Variants in RHOQ observed in about 807,000 individuals in gnomAD.
The protein encoded by RHOQ is ras homolog family member Q.
Under a neutral mutation model 25.8 loss-of-function variants are expected in RHOQ, and 7 were observed. The ratio of observed to expected loss-of-function variants is 0.27; its 90% confidence interval spans 0.15 to 0.51. The LOEUF (loss-of-function observed/expected upper bound fraction) is 0.51, where lower values mean the gene tolerates loss of function less well. Ranked by LOEUF, RHOQ falls within the 20% of genes least tolerant of loss-of-function variation. The pLI is 0.97. For synonymous variants in RHOQ, 97 were observed against 98.6 expected, an observed-to-expected ratio of 0.98 and a Z score of 0.10; for missense variants, 165 against 260.6, an observed-to-expected ratio of 0.63 and a Z score of 2.53.
At chr2:46,580,867 A>G in intron 4 of RHOQ, 61 bp from the exon 5 acceptor site, 2 of 1,207,392 alleles carry the variant, frequency 1.7e-6, no homozygotes, top group South Asian at 2.2e-5. Flanking sequence ...TGATGTGTTT[A>G]TGTCATGCCA....
At chr2:46,563,959 AT>A (rs200656175) in intron 2 of RHOQ, among the ~76,000 whole-genome samples, 2 of 151,392 alleles carry the variant, frequency 1.3e-5, no homozygotes, top group East Asian at 2.0e-4. Flanking sequence ...CCCTGTGTGT[AT>A]TTTTTTTAAA....
chr2:46,565,459 A>G (rs1467239764), intron 2 of RHOQ, among the ~76,000 whole-genome samples: 1 of 152,196 alleles, frequency 6.6e-6, no homozygotes. Flanking sequence ...TTAAAGCATC[A>G]CTCAGTCTGA....
intron 2 of RHOQ, among the ~76,000 whole-genome samples, chr2:46,544,603 C>G (rs1667988613): frequency 6.6e-6 from 1 of 152,234 alleles, no homozygotes; most frequent in African/African-American, 2.4e-5. Context: ...AAGGTCTTCT[C>G]TCTGTCTCCC....
Position 46,546,399 on chromosome 2 carries a change from TA to T in RHOQ, c.201+2593del, listed in dbSNP as rs1396909112. ...AATAAACATGTAAATAAAAAGTAAA[TA>T]AAAAACATTAAGGGTTTATATATAT... On this transcript the variant is annotated intron_variant, in intron 2 of 4. Coordinates refer to ENST00000238738, the MANE Select transcript of RHOQ (RefSeq NM_012249.4). 2.9e-5 allele frequency among the ~76,000 whole-genome samples: 4 copies of T among 137,364 alleles called. No homozygotes were observed. In the Admixed American group the frequency reaches 3.0e-4, roughly 10 times the overall value. 90.1% of individuals were successfully genotyped at this position (137,364 alleles called of 152,430 possible). A position where few individuals can be genotyped will look rare whatever the true frequency, so the allele number is the denominator to read the frequency against.
Position 46,583,674 on chromosome 2 carries a change from T to C in RHOQ, c.*2591T>C, listed in dbSNP as rs1669477736. On this transcript the variant is annotated 3_prime_UTR_variant, in exon 5 of 5. Transcript: ENST00000238738. ...AGCAGACTAGAGAAAAACTGCCTTA[T>C]TTTCAGAAGCATGTCTTCATTCAAA... Among the ~76,000 whole-genome samples, 1 of 152,198 alleles carries C rather than the reference T, an allele frequency of 6.6e-6. No homozygotes were observed.
At chr2:46,547,332 C>T (rs955705744) in intron 2 of RHOQ, among the ~76,000 whole-genome samples, 3 of 152,190 alleles carry the variant, frequency 2.0e-5, no homozygotes, top group South Asian at 2.1e-4. Flanking sequence ...ATCATTTGTC[C>T]GACTGACATA....
Position 46,581,882 on chromosome 2 carries a change from C to A in RHOQ, c.*799C>A. Reference sequence around the variant, plus strand: ...AATTAAAATTTTGGGTCAGACTTTGCCATAATGATAGACTCAATTTAGCTC... The same window carrying A: ...AATTAAAATTTTGGGTCAGACTTTGACATAATGATAGACTCAATTTAGCTC... On this transcript the variant is annotated 3_prime_UTR_variant, in exon 5 of 5. Transcript: ENST00000238738. 3.8e-6 allele frequency: 1 copy of A among 263,754 alleles called. No individual in the cohort carries two copies. Among genetic ancestry groups the A allele is most frequent in the Non-Finnish European group, 7.3e-6 (1 of 137,748 alleles). 16.3% of individuals were successfully genotyped at this position (263,754 alleles called of 1,614,324 possible).
intron 2 of RHOQ, among the ~76,000 whole-genome samples, chr2:46,550,461 C>G (rs2103986787): frequency 2.0e-5 from 3 of 152,300 alleles, no homozygotes; most frequent in Admixed American, 2.0e-4. Context: ...GCCCAGGGGC[C>G]TTAGTGATCA....
intron 4 of RHOQ, among the ~76,000 whole-genome samples, chr2:46,579,138 A>C (rs557745486): frequency 1.6e-4 from 25 of 152,342 alleles, no homozygotes; most frequent in African/African-American, 5.1e-4. Context: ...GTTGCAAAAC[A>C]GTATGATCTC....
chr2:46,570,952 G>A (rs903640847), intron 2 of RHOQ, among the ~76,000 whole-genome samples: 1 of 152,182 alleles, frequency 6.6e-6, no homozygotes, highest in African/African-American at 2.4e-5. Context: ...ATTTGGGATT[G>A]TAATACATTC....
rs1031197253 is a variant in RHOQ, at chr2:46,572,124, T to G, written c.202-3963T>G. On this transcript the variant is annotated intron_variant, in intron 2 of 4. Transcript: ENST00000238738. ...AAGTGTGTGTTTTTTTTTTTTTTTTTTTTTTTTTTTGAGACAGGGTCTCAC... is the reference window on the plus strand; with the variant it reads ...AAGTGTGTGTTTTTTTTTTTTTTTTGTTTTTTTTTTGAGACAGGGTCTCAC... 1.0e-4 allele frequency among the ~76,000 whole-genome samples: 14 copies of G among 140,482 alleles called. 1 individual carries two copies. The highest frequency in any genetic ancestry group is 3.6e-4 in the African/African-American group (13 of 36,160). 92.2% of individuals were successfully genotyped at this position (140,482 alleles called of 152,430 possible).
At position 46,572,397 on chromosome 2, in the gene RHOQ, C is replaced by G. The variant is rs183481241; in HGVS notation, c.202-3690C>G. Among the ~76,000 whole-genome samples the G allele has an allele frequency of 1.6e-4, 24 of 152,200 alleles. No individual in the cohort carries two copies. The East Asian group carries it at 4.4e-3, about 28-fold the overall frequency. ...GGATTACAGGTGTGAGCCACCGCAC[C>G]TGGCCATGTGTGATATTTTTAAAGT... On this transcript the variant is annotated intron_variant, in intron 2 of 4. Coordinates refer to ENST00000238738, the MANE Select transcript of RHOQ (RefSeq NM_012249.4).
chr2:46,575,971 C>T, intron 2 of RHOQ, 116 bp from the exon 3 acceptor site: 1 of 738,050 alleles, frequency 1.4e-6, no homozygotes, highest in East Asian at 3.0e-5. Context: ...GAGTGCCATA[C>T]ATTCCACTAG....
chr2:46,559,277 T>C (rs1160017706), intron 2 of RHOQ, among the ~76,000 whole-genome samples: 2 of 152,234 alleles, frequency 1.3e-5, no homozygotes, highest in Admixed American at 1.3e-4. Context: ...ATTATAGGCA[T>C]GAGCCACTGT....
At position 46,580,843 on chromosome 2, in the gene RHOQ, A is replaced by T. The variant is rs576553462; in HGVS notation, c.463-85A>T. The T allele has an allele frequency of 3.1e-6, 3 of 977,530 alleles. No homozygotes were observed. The East Asian group carries it at 8.7e-5, about 28-fold the overall frequency. 60.6% of individuals were successfully genotyped at this position (977,530 alleles called of 1,614,324 possible). On this transcript the variant is annotated intron_variant, in intron 4 of 4. Transcript: ENST00000238738. ...TTCTTTTTGCATAGCTGTATTTTAT[A>T]ATTTTCTTTATAATGATGTGTTTAT... is the stretch of plus-strand genomic sequence containing the variant.
chr2:46,578,134 G>A lies in RHOQ; in HGVS notation c.462+1478G>A, dbSNP rs141216285. On this transcript the variant is annotated intron_variant, in intron 4 of 4. Transcript: ENST00000238738. ...AAAATGCAGATTGCCATTGAAGATA[G>A]GAAATATGTTCAAACTTATTAGTAG... Among the ~76,000 whole-genome samples, 553 of 152,174 alleles carry A rather than the reference G, an allele frequency of 3.6e-3. 1 individual carries two copies. Among genetic ancestry groups the A allele is most frequent in the Middle Eastern group, 0.014 (4 of 294 alleles).
intron 2 of RHOQ, chr2:46,568,858 C>T (rs1156560397): frequency 6.6e-6 from 1 of 152,262 alleles, no homozygotes; most frequent in East Asian, 1.9e-4. Context: ...TCAGCACCTA[C>T]TTGCCAGATA....
At position 46,552,840 on chromosome 2, in the gene RHOQ, C is replaced by A. The variant is rs1668284901; in HGVS notation, c.201+9028C>A. 6.6e-6 allele frequency among the ~76,000 whole-genome samples: 1 copy of A among 152,132 alleles called. No individual in the cohort carries two copies. The highest frequency in any genetic ancestry group is 1.5e-5 in the Non-Finnish European group (1 of 68,014). Reference sequence around the variant, plus strand: ...CATGAGTGGTGGGAGGGCAGTGGGGCCTATTTATTGGGGGCACAGAGGAGG... The same window carrying A: ...CATGAGTGGTGGGAGGGCAGTGGGGACTATTTATTGGGGGCACAGAGGAGG... On this transcript the variant is annotated intron_variant, in intron 2 of 4. Coordinates refer to ENST00000238738, the MANE Select transcript of RHOQ (RefSeq NM_012249.4). The surrounding 1 kb of genome is among the most constrained non-coding windows in gnomAD (Gnocchi z 5.0).
chr2:46,553,693 T>A (rs1350036049), intron 2 of RHOQ, among the ~76,000 whole-genome samples: 1 of 151,924 alleles, frequency 6.6e-6, no homozygotes, highest in African/African-American at 2.4e-5. Context: ...AATTCTCCTG[T>A]CTCAGCCTCC....
Sources: allele counts gnomAD v4.1 joint callset (sites outside exome capture counted in the v4.1 genomes callset), GRCh38; gene constraint gnomAD v4.1.1; non-coding constraint Gnocchi (gnomAD v3.1); transcripts MANE v1.5; gene names NCBI Gene and HGNC (gene_info 2026-07-23, HGNC 2026-07-21).